Variants in ERBB4 observed in about 807,000 individuals in gnomAD.
The protein encoded by ERBB4 is receptor tyrosine-protein kinase erbB-4.
Under a neutral mutation model 158.0 loss-of-function variants are expected in ERBB4, and 42 were observed. That is an observed-to-expected ratio of 0.27 (90% CI 0.21 to 0.34). ERBB4 has a LOEUF of 0.34. Ranked by LOEUF, ERBB4 falls within the 10% of genes least tolerant of loss-of-function variation. The probability of loss-of-function intolerance (pLI) is 1.00; values close to 1 mark genes in which losing one functional copy is unlikely to be tolerated. For synonymous variants in ERBB4, 583 were observed against 558.7 expected (o/e 1.04, Z -0.61); for missense variants, 1,333 against 1,624.1 (o/e 0.82, Z 3.08).
intron 12 of ERBB4, among the ~76,000 whole-genome samples, chr2:211,683,326 C>T (rs1354464605): frequency 1.3e-5 from 2 of 152,014 alleles, no homozygotes; most frequent in Non-Finnish European, 2.9e-5. Context: ...GACTTGTCTC[C>T]CACCTTCCCT....
chr2:211,783,457 C>G (rs866656109), intron 4 of ERBB4, among the ~76,000 whole-genome samples: 14 of 152,216 alleles, frequency 9.2e-5, no homozygotes, highest in East Asian at 7.7e-4. Flanking sequence ...GTTTTCAAAG[C>G]GAATGCTTCC....
intron 1 of ERBB4, among the ~76,000 whole-genome samples, chr2:212,469,046 A>G (rs1688985409): frequency 1.3e-5 from 2 of 152,208 alleles, no homozygotes; most frequent in Admixed American, 6.5e-5. Flanking sequence ...TCAATATTTA[A>G]TATTTCAAAA....
intron 1 of ERBB4, among the ~76,000 whole-genome samples, chr2:212,348,004 G>A (rs974942566): frequency 6.6e-6 from 1 of 152,040 alleles, no homozygotes; most frequent in African/African-American, 2.4e-5. Flanking sequence ...GATGGATGGA[G>A]GGGTATTTTG....
At chr2:211,679,280 A>G (rs1360015695) in intron 12 of ERBB4, 96 bp from the exon 13 acceptor site, 8 of 1,395,998 alleles carry the variant, frequency 5.7e-6, no homozygotes, top group Non-Finnish European at 8.0e-6. Flanking sequence ...AGTTCACTTA[A>G]AAGAGATATA....
rs533303081 is a variant in ERBB4 at position 211,396,095 on chromosome 2, A to G, written c.3136-8103T>C. 1.7e-3 allele frequency among the ~76,000 whole-genome samples: 266 copies of G among 152,198 alleles called. 3 individuals are homozygous for G. Among genetic ancestry groups the G allele is most frequent in the African/African-American group, 6.1e-3 (253 of 41,566 alleles). Reference sequence around the variant, plus strand: ...TGAAATGTAATGTCTTTGCCTAGATATAGTTCCTTTTGTACTATCAGCGAA... The same window carrying G: ...TGAAATGTAATGTCTTTGCCTAGATGTAGTTCCTTTTGTACTATCAGCGAA... On this transcript the variant is annotated intron_variant, in intron 25 of 27. Transcript: ENST00000342788.
chr2:212,182,401 G>T (rs1390549056), intron 1 of ERBB4, among the ~76,000 whole-genome samples: 1 of 151,546 alleles, frequency 6.6e-6, no homozygotes, highest in Non-Finnish European at 1.5e-5. Context: ...TTCAAATTTT[G>T]CACTATTTCA....
At chr2:211,887,220 A>T (rs961810731) in intron 3 of ERBB4, among the ~76,000 whole-genome samples, 1 of 151,382 alleles carries the variant, frequency 6.6e-6, no homozygotes, top group Non-Finnish European at 1.5e-5. Flanking sequence ...CTGAATTAGA[A>T]TTAGTGAACA....
chr2:211,384,301 C>T (rs774215472), intron 27 of ERBB4, among the ~76,000 whole-genome samples: 8 of 152,098 alleles, frequency 5.3e-5, no homozygotes, highest in Non-Finnish European at 1.0e-4. Context: ...TTTCTATCTC[C>T]TAAATTTTTC....
chr2:212,214,760 C>T (rs1027508346), intron 1 of ERBB4, among the ~76,000 whole-genome samples: 2 of 151,418 alleles, frequency 1.3e-5, no homozygotes, highest in African/African-American at 4.8e-5. Flanking sequence ...ATATATAATC[C>T]CCAACAGAAA....
chr2:212,211,887 T>C lies in ERBB4; in HGVS notation c.83-86984A>G, dbSNP rs374643724. Among the ~76,000 whole-genome samples, 5 of 152,154 alleles carry C rather than the reference T, an allele frequency of 3.3e-5. No homozygotes were observed. The South Asian group carries it at 1.0e-3, about 32-fold the overall frequency. On this transcript the variant is annotated intron_variant, in intron 1 of 27. Coordinates refer to ENST00000342788, the MANE Select transcript of ERBB4 (RefSeq NM_005235.3). ...TTCATACATGTCCTCGCAAAGGACA[T>C]GATCTCATTTCTTTTTATGGCAACA...
At chr2:211,491,091 A>C in intron 20 of ERBB4, among the ~76,000 whole-genome samples, 1 of 152,070 alleles carries the variant, frequency 6.6e-6, no homozygotes, top group Non-Finnish European at 1.5e-5. Flanking sequence ...TCAGGTGATA[A>C]TGTTTATACT....
At chr2:212,057,716 T>C (rs1476021102) in intron 2 of ERBB4, among the ~76,000 whole-genome samples, 1 of 152,198 alleles carries the variant, frequency 6.6e-6, no homozygotes, top group Non-Finnish European at 1.5e-5. Context: ...GAAACAAAGA[T>C]GTTCTTTGAA....
chr2:212,525,637 T>C (rs970358712), intron 1 of ERBB4, among the ~76,000 whole-genome samples: 3 of 151,492 alleles, frequency 2.0e-5, no homozygotes, highest in Non-Finnish European at 2.9e-5. Flanking sequence ...TTTCCACAAA[T>C]GTTACACATC....
intron 2 of ERBB4, among the ~76,000 whole-genome samples, chr2:212,062,399 C>CTTTTT (rs199535512): frequency 1.2e-5 from 1 of 81,300 alleles, no homozygotes; most frequent in African/African-American, 4.3e-5. Context: ...CTTGTCAATT[C>CTTTTT]TTTTTTTTTT....
At chr2:211,399,680 C>T (rs541342761) in intron 25 of ERBB4, among the ~76,000 whole-genome samples, 164 of 151,896 alleles carry the variant, frequency 1.1e-3, no homozygotes, top group Middle Eastern at 6.8e-3. Context: ...GTGAGTGATT[C>T]TGAATGCGAT....
At chr2:212,504,854 T>G (rs1691099571) in intron 1 of ERBB4, among the ~76,000 whole-genome samples, 1 of 152,152 alleles carries the variant, frequency 6.6e-6, no homozygotes, top group Non-Finnish European at 1.5e-5. Context: ...GGGAATAAAA[T>G]ATGGATAGTA....
intron 3 of ERBB4, among the ~76,000 whole-genome samples, chr2:211,799,580 G>A (rs927771484): frequency 1.1e-4 from 17 of 152,130 alleles, no homozygotes; most frequent in African/African-American, 2.4e-4. Context: ...TAGAGCAACA[G>A]CCTTTCAGGA....
chr2:212,305,651 T>C (rs955406323), intron 1 of ERBB4, among the ~76,000 whole-genome samples: 1 of 151,404 alleles, frequency 6.6e-6, no homozygotes, highest in Non-Finnish European at 1.5e-5. Flanking sequence ...ATGTAAAATA[T>C]TATGACTTCA....
chr2:212,379,458 C>T (rs2090432363), intron 1 of ERBB4, among the ~76,000 whole-genome samples: 2 of 151,470 alleles, frequency 1.3e-5, no homozygotes, highest in African/African-American at 4.8e-5. Flanking sequence ...GAAAAGTTAT[C>T]AATAAAAAAT....
Sources: gnomAD v4.1 joint callset for allele counts (sites outside exome capture counted in the v4.1 genomes callset) on GRCh38, gnomAD v4.1.1 for gene constraint, MANE v1.5 for transcripts, NCBI Gene and HGNC (gene_info 2026-07-23, HGNC 2026-07-21) for gene names.